The following ZMIZ1 variants were observed in gnomAD, a reference collection of about 807,000 sequenced individuals.
ZMIZ1 encodes zinc finger MIZ-type containing 1.
Under a neutral mutation model 113.9 loss-of-function variants are expected in ZMIZ1, and 17 were observed. The observed-to-expected ratio is 0.15, with a 90% CI of 0.10 to 0.22. The LOEUF (loss-of-function observed/expected upper bound fraction) is 0.22, where lower values mean the gene tolerates loss of function less well. ZMIZ1 is among the 10% of genes least tolerant of loss of function. The pLI is 1.00. For synonymous variants in ZMIZ1, 607 were observed against 603.1 expected (o/e 1.01, Z -0.09); for missense variants, 1,059 against 1,477.8 (o/e 0.72, Z 4.65).
chr10:79,080,975 C>A (rs1842638371), intron 1 of ZMIZ1, among the ~76,000 whole-genome samples: 1 of 152,108 alleles, frequency 6.6e-6, no homozygotes, highest in Non-Finnish European at 1.5e-5. Context: ...GACCTTGGCG[C>A]CCATCTCATC....
At chr10:79,166,777 C>T (rs998924438) in intron 4 of ZMIZ1, among the ~76,000 whole-genome samples, 2 of 152,210 alleles carry the variant, frequency 1.3e-5, no homozygotes, top group African/African-American at 4.8e-5. Flanking sequence ...GGTGTAGGCC[C>T]AGAGGGTCTC....
chr10:79,249,334 C>A (rs1157882008), intron 7 of ZMIZ1, among the ~76,000 whole-genome samples: 1 of 152,204 alleles, frequency 6.6e-6, no homozygotes, highest in Non-Finnish European at 1.5e-5. Flanking sequence ...GGTGTCAGCC[C>A]ACTACACTGA....
intron 1 of ZMIZ1, among the ~76,000 whole-genome samples, chr10:79,072,889 C>T (rs1268469625): frequency 3.9e-5 from 6 of 152,360 alleles, no homozygotes; most frequent in Admixed American, 2.0e-4. Context: ...GTGCTCTCTG[C>T]TCATGCCCTT....
chr10:79,216,247 C>G lies in ZMIZ1; in HGVS notation c.253C>G (p.Arg85Gly), dbSNP rs1039220588. 22 of 1,591,736 alleles carry G rather than the reference C, an allele frequency of 1.4e-5. No individual in the cohort carries two copies. The highest frequency in any genetic ancestry group is 1.9e-5 in the Non-Finnish European group (22 of 1,168,968). The change falls in exon 7 of 25, where the codon CGA (arginine) becomes GGA (glycine). Residue 85 changes from arginine to glycine, a missense_variant. Physicochemically the swap from Arg to Gly is moderately radical, Grantham distance 125. Around this residue, in one of 6 missense-constraint regions of ZMIZ1, gnomAD observed 272 missense variants for 350.4 expected, o/e 0.78. Transcript: ENST00000334512. ...YRLLAVCAAN[R>G]DKFTPKSAAL... ...ACTGCTGGCTGTGTGTGCTGCAAAC[C>G]GAGACAAGTTCACCCCGAAGTCTGC...
At position 79,296,488 on chromosome 10, in the gene ZMIZ1, G is replaced by A. The variant is rs375495488; in HGVS notation, c.1248G>A (p.Gln416=). The A allele has an allele frequency of 3.7e-6, 6 of 1,613,862 alleles. No homozygotes were observed. Among genetic ancestry groups the A allele is most frequent in the Non-Finnish European group, 5.1e-6 (6 of 1,179,966 alleles). Residue 416 remains glutamine, a synonymous_variant, in exon 13 of 25, where the codon CAG becomes CAA. Coordinates refer to ENST00000334512, the MANE Select transcript of ZMIZ1 (RefSeq NM_020338.4). The surrounding 1 kb of genome is among the most constrained non-coding windows in gnomAD (Gnocchi z 4.1). Reference sequence around the variant, plus strand: ...CACCACAGCCCAACTATGGAAACCAGCAATATGGACCAAACAGCCAGTTCC... The same window carrying A: ...CACCACAGCCCAACTATGGAAACCAACAATATGGACCAAACAGCCAGTTCC... ...PYPGEPNYGN[Q]QYGPNSQFPT...
intron 8 of ZMIZ1, among the ~76,000 whole-genome samples, chr10:79,279,441 G>A (rs1852553209): frequency 6.6e-6 from 1 of 151,544 alleles, no homozygotes; most frequent in Admixed American, 6.6e-5. Flanking sequence ...CTTCCTAGAC[G>A]GGATGTCAGC....
chr10:79,195,350 G>A (rs1398404679), intron 4 of ZMIZ1, among the ~76,000 whole-genome samples: 2 of 152,228 alleles, frequency 1.3e-5, no homozygotes, highest in Admixed American at 1.3e-4. Context: ...TGGCTGCTCT[G>A]ACCAGGAGAC....
intron 4 of ZMIZ1, among the ~76,000 whole-genome samples, chr10:79,169,734 A>G (rs1846521031): frequency 6.6e-6 from 1 of 152,230 alleles, no homozygotes; most frequent in South Asian, 2.1e-4. Flanking sequence ...GAGTCTGGAC[A>G]AGTTTCTTTC....
At chr10:79,136,536 C>T (rs925065918) in intron 2 of ZMIZ1, among the ~76,000 whole-genome samples, 7 of 152,222 alleles carry the variant, frequency 4.6e-5, no homozygotes, top group African/African-American at 1.4e-4. Context: ...GTTGAAGCCT[C>T]TCAGGGAAGG....
intron 4 of ZMIZ1, among the ~76,000 whole-genome samples, chr10:79,178,470 CCTG>C (rs1252263342): frequency 6.6e-6 from 1 of 152,214 alleles, no homozygotes; most frequent in African/African-American, 2.4e-5. Flanking sequence ...TCTCCTCCTC[CCTG>C]ACCCCTCACC....
chr10:79,175,718 G>A (rs1846830604), intron 4 of ZMIZ1, among the ~76,000 whole-genome samples: 1 of 151,778 alleles, frequency 6.6e-6, no homozygotes, highest in African/African-American at 2.4e-5. Context: ...CTTGGGCTGG[G>A]CTCAGGTTCC....
chr10:79,307,568 A>G lies in ZMIZ1; in HGVS notation c.2832A>G (p.Glu944=). The change falls in exon 23 of 25, where the codon GAA becomes GAG. Residue 944 remains glutamate (E), a synonymous_variant. Coordinates refer to ENST00000334512, the MANE Select transcript of ZMIZ1 (RefSeq NM_020338.4). Reference sequence around the variant, plus strand: ...AACCCCTCAGCCACCCCATGCAGGAAACTGTGAGTACCTCCTCCTCACCCC... The same window carrying G: ...AACCCCTCAGCCACCCCATGCAGGAGACTGTGAGTACCTCCTCCTCACCCC... ...LEKPLSHPMQ[E]TMPHAGSSDQ... 2 of 1,608,536 alleles carry G rather than the reference A, an allele frequency of 1.2e-6. No homozygotes were observed. Among genetic ancestry groups the G allele is most frequent in the Non-Finnish European group, 1.7e-6 (2 of 1,177,348 alleles).
chr10:79,261,348 C>T (rs1285747313), intron 7 of ZMIZ1, among the ~76,000 whole-genome samples: 1 of 152,230 alleles, frequency 6.6e-6, no homozygotes, highest in Non-Finnish European at 1.5e-5. Context: ...TCATGGCCTC[C>T]ATCAGAGGCA....
At chr10:79,208,517 C>T in intron 6 of ZMIZ1, 68 bp downstream of exon 6, 1 of 1,361,990 alleles carries the variant, frequency 7.3e-7, no homozygotes, top group Non-Finnish European at 1.0e-6. Context: ...CGTGCCTGTC[C>T]AGGTTTCAGA....
chr10:79,116,540 A>G (rs1254354938), intron 1 of ZMIZ1, among the ~76,000 whole-genome samples: 1 of 152,114 alleles, frequency 6.6e-6, no homozygotes, highest in Non-Finnish European at 1.5e-5. Context: ...TGGAGGTGTG[A>G]TGCAGCCTGT....
rs141407362 is a variant in ZMIZ1, at chr10:79,195,825, G to A, written c.-49-5759G>A. Among the ~76,000 whole-genome samples the A allele has an allele frequency of 2.4e-3, 368 of 152,350 alleles. 2 individuals carry two copies. The highest frequency in any genetic ancestry group is 8.5e-3 in the African/African-American group (354 of 41,566). ...AGAACAGCACATTAACAGCTGGAAA[G>A]GTAGAGGGTTTGAATCTCAGCCCAG... On this transcript the variant is annotated intron_variant, in intron 4 of 24. Transcript: ENST00000334512.
At chr10:79,251,292 C>T (rs117988970) in intron 7 of ZMIZ1, among the ~76,000 whole-genome samples, 2 of 152,314 alleles carry the variant, frequency 1.3e-5, no homozygotes, top group East Asian at 3.9e-4. Context: ...GAGACTAGTA[C>T]TCATCCCCTA....
rs750950598 is a variant in ZMIZ1 at position 79,293,543 on chromosome 10, G to A, written c.1120G>A (p.Gly374Ser). 1.2e-5 allele frequency: 20 copies of A among 1,611,864 alleles called. No individual in the cohort carries two copies. Among genetic ancestry groups the A allele is most frequent in the Admixed American group, 1.7e-5 (1 of 59,946 alleles). Residue 374 changes from glycine to serine, a missense_variant, in exon 12 of 25, where the codon GGC becomes AGC. By Grantham distance (56) the Gly-to-Ser change is moderately conservative (BLOSUM62 0). This residue lies in a region of ZMIZ1 where 83 missense variants were observed against 103.7 expected (regional missense o/e 0.80). Transcript: ENST00000334512. ...PMGMNQPRPP[G>S]ISPFGTHGQR... Reference sequence around the variant, plus strand: ...GGGCATGAACCAGCCCCGGCCGCCCGGCATCAGCCCCTTTGGCACACACGG... The same window carrying A: ...GGGCATGAACCAGCCCCGGCCGCCCAGCATCAGCCCCTTTGGCACACACGG...
chr10:79,088,335 C>T (rs1032707024), intron 1 of ZMIZ1, among the ~76,000 whole-genome samples: 2 of 152,126 alleles, frequency 1.3e-5, no homozygotes, highest in African/African-American at 4.8e-5. Flanking sequence ...GGCAAAACTC[C>T]CTGGGCAGGG....
Sources: gnomAD v4.1 joint callset for allele counts (sites outside exome capture counted in the v4.1 genomes callset) on GRCh38, gnomAD v4.1.1 for gene constraint, gnomAD v4.1.1 regional missense constraint, Gnocchi (gnomAD v3.1) non-coding constraint, MANE v1.5 for transcripts, NCBI Gene and HGNC (gene_info 2026-07-23, HGNC 2026-07-21) for gene names.